DYNLT5: variants seen among roughly 807,000 people sequenced by gnomAD.
DYNLT5 encodes the protein dynein light chain Tctex-type 5.
Under a neutral mutation model 19.3 loss-of-function variants are expected in DYNLT5, and 25 were observed. That is an observed-to-expected ratio of 1.30 (90% CI 0.95 to 1.81). The LOEUF is 1.81. Ranked by LOEUF, DYNLT5 falls within the 40% of genes most tolerant of loss-of-function variation. The pLI is 0.00. For missense variants in DYNLT5, 232 were observed against 217.9 expected, an observed-to-expected ratio of 1.06 and a Z score of -0.41; for synonymous variants, 82 against 68.9, an observed-to-expected ratio of 1.19 and a Z score of -0.94.
chr1:66,755,484 A>G (rs540709485), intron 2 of DYNLT5, among the ~76,000 whole-genome samples: 2 of 152,340 alleles, frequency 1.3e-5, no homozygotes, highest in South Asian at 4.1e-4. Context: ...TCGACGTAGC[A>G]GTCAATTAAT....
At chr1:66,773,083 AG>A (rs1465741282) in intron 3 of DYNLT5, among the ~76,000 whole-genome samples, 1 of 152,230 alleles carries the variant, frequency 6.6e-6, no homozygotes, top group East Asian at 1.9e-4. Context: ...ACCTTACTAT[AG>A]ATCACTAAGA....
intron 4 of DYNLT5, among the ~76,000 whole-genome samples, 159 bp downstream of exon 4, chr1:66,776,562 T>G (rs567972844): frequency 0.012 from 1,760 of 149,964 alleles, 47 homozygotes; most frequent in African/African-American, 0.041. Context: ...TGTGTGTGGG[T>G]GTGTGTGTGT....
At chr1:66,758,164 T>C (rs898522579) in intron 2 of DYNLT5, among the ~76,000 whole-genome samples, 3 of 152,178 alleles carry the variant, frequency 2.0e-5, no homozygotes, top group African/African-American at 7.2e-5. Context: ...TTCCTGAAAA[T>C]TGGCAATCCA....
At chr1:66,772,202 G>A (rs1190178304) in intron 3 of DYNLT5, among the ~76,000 whole-genome samples, 1 of 152,128 alleles carries the variant, frequency 6.6e-6, no homozygotes, top group Non-Finnish European at 1.5e-5. Context: ...GGTTTATTTG[G>A]CTCATGGTTC....
intron 2 of DYNLT5, among the ~76,000 whole-genome samples, chr1:66,758,021 T>A (rs148845939): frequency 6.6e-6 from 1 of 152,312 alleles, no homozygotes; most frequent in African/African-American, 2.4e-5. Flanking sequence ...ACTCCTGCTC[T>A]ATAAAGATAG....
rs535347631 is a variant in DYNLT5, at chr1:66,754,727, T to G, written c.69T>G (p.Ser23=). ...HSWKKRGSIS[S]LSNHEFWRKE... is the part of the protein sequence containing the mutation. Reference sequence around the variant, plus strand: ...GGAAGAAAAGAGGGAGTATTTCTTCTCTAAGTAATCATGAATTTTGGCGAA... The same window carrying G: ...GGAAGAAAAGAGGGAGTATTTCTTCGCTAAGTAATCATGAATTTTGGCGAA... Residue 23 remains serine, a synonymous_variant, in exon 2 of 5, where the codon TCT becomes TCG. Transcript: ENST00000282670. The G allele has an allele frequency of 1.2e-6, 2 of 1,613,354 alleles. No homozygotes were observed. Among genetic ancestry groups the G allele is most frequent in the South Asian group, 1.1e-5 (1 of 90,990 alleles).
intron 3 of DYNLT5, among the ~76,000 whole-genome samples, chr1:66,772,358 A>G (rs112179753): frequency 6.6e-6 from 1 of 152,340 alleles, no homozygotes; most frequent in African/African-American, 2.4e-5. Context: ...TTAAACACCC[A>G]GCTCTCATGT....
intron 2 of DYNLT5, among the ~76,000 whole-genome samples, chr1:66,768,080 A>G (rs142002586): frequency 6.6e-6 from 1 of 152,356 alleles, no homozygotes; most frequent in African/African-American, 2.4e-5. Context: ...AATTTTCTTT[A>G]TAATAGTAGA....
intron 2 of DYNLT5, among the ~76,000 whole-genome samples, chr1:66,767,007 G>C (rs1044943297): frequency 6.6e-6 from 1 of 152,106 alleles, no homozygotes; most frequent in African/African-American, 2.4e-5. Flanking sequence ...TGGAAGGAGG[G>C]AGAGGAGCAG....
intron 2 of DYNLT5, among the ~76,000 whole-genome samples, chr1:66,767,861 G>C (rs1572548913): frequency 6.6e-6 from 1 of 152,078 alleles, no homozygotes; most frequent in Admixed American, 6.6e-5. Context: ...TAGTTCTTTT[G>C]AGGAACCTCT....
chr1:66,754,062 T>C (rs763537910), intron 1 of DYNLT5, among the ~76,000 whole-genome samples: 1 of 152,012 alleles, frequency 6.6e-6, no homozygotes, highest in African/African-American at 2.4e-5. Flanking sequence ...CTGGGCAACA[T>C]AGACCCTATC....
intron 2 of DYNLT5, among the ~76,000 whole-genome samples, chr1:66,769,028 A>G (rs1572549524): frequency 1.3e-5 from 2 of 152,328 alleles, no homozygotes; most frequent in East Asian, 3.9e-4. Flanking sequence ...AGTAGCATAT[A>G]TAGTAATGGA....
At chr1:66,766,960 G>A (rs918314668) in intron 2 of DYNLT5, among the ~76,000 whole-genome samples, 2 of 152,072 alleles carry the variant, frequency 1.3e-5, no homozygotes, top group Admixed American at 1.3e-4. Context: ...ACAAAGAGGG[G>A]AACGACAGAT....
intron 2 of DYNLT5, chr1:66,755,773 G>T (rs183792319): frequency 1.1e-4 from 17 of 152,312 alleles, no homozygotes; most frequent in African/African-American, 3.8e-4. Flanking sequence ...CAGAAGTAAA[G>T]GTGGGAGAAT....
intron 2 of DYNLT5, among the ~76,000 whole-genome samples, chr1:66,769,465 A>G (rs1645188943): frequency 6.6e-6 from 1 of 152,084 alleles, no homozygotes; most frequent in Non-Finnish European, 1.5e-5. Context: ...GCAAATATCT[A>G]TTTTTTATTT....
At chr1:66,753,068 CACAG>C (rs1192025607) in intron 1 of DYNLT5, among the ~76,000 whole-genome samples, 1 of 152,202 alleles carries the variant, frequency 6.6e-6, no homozygotes, top group Admixed American at 6.5e-5. Context: ...TACACACGAA[CACAG>C]ACACACTTAT....
intron 2 of DYNLT5, 101 bp downstream of exon 2, chr1:66,754,878 A>C (rs1022943879): frequency 7.8e-7 from 1 of 1,282,284 alleles, no homozygotes. Flanking sequence ...AAAAAGAGAT[A>C]AAATGGGCAA....
rs1285056966 is a variant in DYNLT5, at chr1:66,752,588, G to C, written c.-4+4G>C. 3.0e-6 allele frequency: 3 copies of C among 985,424 alleles called. No individual in the cohort carries two copies. The highest frequency in any genetic ancestry group is 3.6e-6 in the Non-Finnish European group (3 of 829,984). The allele number at this position is 985,424 out of a possible 1,614,324, so 61.0% of individuals were successfully genotyped here. On this transcript the variant is annotated splice_donor_region_variant and intron_variant, in intron 1 of 4. Transcript: ENST00000282670. ...GGGCGAAGCCTCCCTGCTGCAGGTA[G>C]GGTCGCCTCTCTCTGCAGCGCGTCT...
At chr1:66,755,496 A>G (rs1403710633) in intron 2 of DYNLT5, among the ~76,000 whole-genome samples, 1 of 152,186 alleles carries the variant, frequency 6.6e-6, no homozygotes, top group Non-Finnish European at 1.5e-5. Flanking sequence ...TCAATTAATA[A>G]TAGACTTTCG....
Sources: allele counts gnomAD v4.1 joint callset (sites outside exome capture counted in the v4.1 genomes callset), GRCh38; gene constraint gnomAD v4.1.1; transcripts MANE v1.5; gene names NCBI Gene and HGNC (gene_info 2026-07-23, HGNC 2026-07-21).